Variants in SLC6A17 observed in about 807,000 individuals in gnomAD.
SLC6A17 encodes solute carrier family 6 member 17, also known as sodium-dependent neutral amino acid transporter SLC6A17.
In SLC6A17, 21 loss-of-function variants were observed where a neutral mutation model predicts 64.5. That is an observed-to-expected ratio of 0.33 (90% confidence interval 0.23 to 0.47). The LOEUF (loss-of-function observed/expected upper bound fraction) is 0.47. Among genes scored for constraint, SLC6A17 ranks in the 20% least tolerant of loss-of-function variants. The pLI is 1.00. For synonymous variants in SLC6A17, 372 were observed against 399.5 expected (o/e 0.93, Z 0.82); for missense variants, 682 against 963.2 (o/e 0.71, Z 3.86).
At chr1:110,191,879 A>C (rs1656833846) in intron 6 of SLC6A17, 93 bp from the exon 7 acceptor site, 1 of 1,530,836 alleles carries the variant, frequency 6.5e-7, no homozygotes, top group African/African-American at 1.4e-5. Flanking sequence ...CTGCCTCTGA[A>C]CTCTGTTGAG....
Position 110,150,663 on chromosome 1 carries a change from C to T in SLC6A17, c.-308C>T, listed in dbSNP as rs1655571378. 1 of 152,196 alleles carries T rather than the reference C, an allele frequency of 6.6e-6. No individual in the cohort carries two copies. Among genetic ancestry groups the T allele is most frequent in the Non-Finnish European group, 1.5e-5 (1 of 68,022 alleles). The allele number at this position is 152,196 out of a possible 1,614,324, so 9.4% of individuals were successfully genotyped here. A position where few individuals can be genotyped will look rare whatever the true frequency, so the allele number is the denominator to read the frequency against. ...GGTCCCCGCGCCGCTCCCCTGAGCC[C>T]CGAGCGCGCGGCGGGCGGGAGCCAG... On this transcript the variant is annotated 5_prime_UTR_variant, in exon 1 of 12. Transcript: ENST00000331565.
intron 1 of SLC6A17, among the ~76,000 whole-genome samples, chr1:110,153,809 C>T (rs1655677169): frequency 6.6e-6 from 1 of 152,254 alleles, no homozygotes; most frequent in East Asian, 1.9e-4. Flanking sequence ...TTTGCTAGAA[C>T]TAGCTCTGAG....
chr1:110,156,716 C>T (rs1655770770), intron 1 of SLC6A17, among the ~76,000 whole-genome samples: 1 of 152,200 alleles, frequency 6.6e-6, no homozygotes, highest in South Asian at 2.1e-4. Context: ...GGATGCTTTT[C>T]TGCCCAGCCC....
At chr1:110,153,453 A>C (rs892619504) in intron 1 of SLC6A17, among the ~76,000 whole-genome samples, 2 of 152,040 alleles carry the variant, frequency 1.3e-5, no homozygotes, top group Admixed American at 6.5e-5. Context: ...GAAGGAAATA[A>C]GGGGATCCCC....
rs79393533 is a variant in SLC6A17, at chr1:110,168,543, T to C, written c.286+1328T>C. 9.3e-3 allele frequency among the ~76,000 whole-genome samples: 1,417 copies of C among 152,300 alleles called. 25 individuals carry two copies. Among genetic ancestry groups the C allele is most frequent in the African/African-American group, 0.031 (1,308 of 41,556 alleles). On this transcript the variant is annotated intron_variant, in intron 2 of 11. Transcript: ENST00000331565. ...TTTTTTACTTTTTAATAAGTAACTGTCAATCAGAGCTTGTGGCCTGCATGG... is the reference window on the plus strand; with the variant it reads ...TTTTTTACTTTTTAATAAGTAACTGCCAATCAGAGCTTGTGGCCTGCATGG...
chr1:110,182,492 A>G (rs937125511), intron 6 of SLC6A17, among the ~76,000 whole-genome samples: 1 of 151,946 alleles, frequency 6.6e-6, no homozygotes, highest in Non-Finnish European at 1.5e-5. Flanking sequence ...AAAGCCACAG[A>G]TTGGTTCACA....
At chr1:110,194,454 G>C in intron 8 of SLC6A17, 125 bp from the exon 9 acceptor site, 1 of 1,001,114 alleles carries the variant, frequency 1.0e-6, no homozygotes. Context: ...GGATTTAGGT[G>C]GAGGTGGGAA....
chr1:110,197,527 T>C lies in SLC6A17; in HGVS notation c.1743T>C (p.Ala581=), dbSNP rs148807275. Residue 581 remains alanine (A), a synonymous_variant, in exon 11 of 12, where the codon GCT becomes GCC. Coordinates refer to ENST00000331565, the MANE Select transcript of SLC6A17 (RefSeq NM_001010898.4). ...MWKFVSPLCM[A]VLTTASIIQL... Reference sequence around the variant, plus strand: ...AGTTCGTGTCTCCACTATGCATGGCTGTGCTCACCACAGCCAGCATCATCC... The same window carrying C: ...AGTTCGTGTCTCCACTATGCATGGCCGTGCTCACCACAGCCAGCATCATCC... 7.3e-5 allele frequency: 117 copies of C among 1,613,512 alleles called. No homozygotes were observed. Among genetic ancestry groups the C allele is most frequent in the Admixed American group, 2.3e-4 (14 of 59,974 alleles).
At chr1:110,195,398 G>A (rs921749038) in intron 9 of SLC6A17, among the ~76,000 whole-genome samples, 188 bp from the exon 10 acceptor site, 11 of 152,254 alleles carry the variant, frequency 7.2e-5, no homozygotes, top group Non-Finnish European at 1.2e-4. Flanking sequence ...GGTGCTCCCC[G>A]ACTAGTAGAG....
intron 5 of SLC6A17, among the ~76,000 whole-genome samples, chr1:110,176,240 C>T (rs907712483): frequency 2.6e-5 from 4 of 152,066 alleles, no homozygotes; most frequent in Non-Finnish European, 5.9e-5. Flanking sequence ...GAAGGTCTTC[C>T]GTCAAAGGAG....
At chr1:110,151,850 A>T (rs1312817401) in intron 1 of SLC6A17, among the ~76,000 whole-genome samples, 2 of 152,010 alleles carry the variant, frequency 1.3e-5, no homozygotes, top group East Asian at 3.9e-4. Context: ...ATTTCTAACC[A>T]GAGCTACCTT....
At chr1:110,193,399 A>G (rs1656881377) in intron 8 of SLC6A17, among the ~76,000 whole-genome samples, 3 of 152,148 alleles carry the variant, frequency 2.0e-5, no homozygotes. Context: ...CCTTGCTTCT[A>G]TTTATACTTA....
At chr1:110,153,673 A>G (rs926546622) in intron 1 of SLC6A17, among the ~76,000 whole-genome samples, 15 of 151,892 alleles carry the variant, frequency 9.9e-5, no homozygotes, top group African/African-American at 3.6e-4. Context: ...CTGCCTGTGT[A>G]CCCTCCCTTC....
chr1:110,153,659 C>T (rs949304166), intron 1 of SLC6A17, among the ~76,000 whole-genome samples: 1 of 152,086 alleles, frequency 6.6e-6, no homozygotes, highest in African/African-American at 2.4e-5. Context: ...GAAACAGGTT[C>T]CTTCTGCCTG....
At chr1:110,191,018 G>A (rs1338433196) in intron 6 of SLC6A17, among the ~76,000 whole-genome samples, 2 of 152,128 alleles carry the variant, frequency 1.3e-5, no homozygotes, top group Non-Finnish European at 2.9e-5. Context: ...TCCTGACGAG[G>A]TCAGCCTCAT....
At position 110,198,254 on chromosome 1, in the gene SLC6A17, C is replaced by T; in HGVS notation, c.1994C>T (p.Ser665Phe). The stretch of plus-strand genomic sequence containing the variant: ...AAGGGCCGCATGATGAAGGACATCT[C>T]CAACCTGGAGGAGAACGATGAGACC... ...YKKGRMMKDI[S>F]NLEENDETRF... Residue 665 changes from serine to phenylalanine, a missense_variant, in exon 12 of 12, where the codon TCC (serine) becomes TTC (phenylalanine). This residue lies in a region of SLC6A17 where 264 missense variants were observed against 339.5 expected (regional missense o/e 0.78). Transcript: ENST00000331565. The T allele has an allele frequency of 6.2e-7, 1 of 1,614,214 alleles. No individual in the cohort carries two copies. Among genetic ancestry groups the T allele is most frequent in the Non-Finnish European group, 8.5e-7 (1 of 1,180,036 alleles).
At chr1:110,180,211 A>G (rs1035709733) in intron 6 of SLC6A17, among the ~76,000 whole-genome samples, 1 of 152,258 alleles carries the variant, frequency 6.6e-6, no homozygotes, top group African/African-American at 2.4e-5. Context: ...TCCAGCTGAT[A>G]AACTGGCTTC....
chr1:110,170,687 C>T (rs547397678), intron 2 of SLC6A17, among the ~76,000 whole-genome samples: 13 of 152,282 alleles, frequency 8.5e-5, no homozygotes, highest in African/African-American at 2.4e-4. Flanking sequence ...TTGTTAGTGA[C>T]GAGTTGAATG....
At chr1:110,191,357 C>T (rs972497383) in intron 6 of SLC6A17, among the ~76,000 whole-genome samples, 6 of 152,228 alleles carry the variant, frequency 3.9e-5, no homozygotes, top group Non-Finnish European at 7.3e-5. Flanking sequence ...GCAGTTCGGG[C>T]TCCTGTCAGG....
Sources: allele counts gnomAD v4.1 joint callset (sites outside exome capture counted in the v4.1 genomes callset), GRCh38; gene constraint gnomAD v4.1.1; regional missense constraint gnomAD v4.1.1; transcripts MANE v1.5; gene names NCBI Gene and HGNC (gene_info 2026-07-23, HGNC 2026-07-21).